The following DMRT2 variants were observed in gnomAD, a reference collection of about 807,000 sequenced individuals.
DMRT2 encodes doublesex and mab-3 related transcription factor 2.
A neutral mutation model predicts 43.5 loss-of-function variants in DMRT2; 33 were observed. The ratio of observed to expected loss-of-function variants is 0.76; its 90% CI spans 0.58 to 1.01. DMRT2 has a LOEUF of 1.01. Among genes scored for constraint, DMRT2 ranks in the 50% least tolerant of loss-of-function variants. DMRT2 has a pLI of 0.00. For synonymous variants in DMRT2, 395 were observed against 309.2 expected (o/e 1.28, Z -2.91); for missense variants, 1,064 against 748.0 (o/e 1.42, Z -4.93).
At chr9:1,052,175 G>T in intron 2 of DMRT2, 37 bp downstream of exon 2, 1 of 1,322,598 alleles carries the variant, frequency 7.6e-7, no homozygotes, top group South Asian at 2.0e-5. Context: ...TCAGGCCACA[G>T]TGGAGGTGGG....
chr9:1,057,288 A>G lies in DMRT2; in HGVS notation c.*15A>G. Reference sequence around the variant, plus strand: ...TCTCTCAGTGAAAGGCTGCTTAAACAGAAAGCTGGATTTTCTGCAGTCTTA... The same window carrying G: ...TCTCTCAGTGAAAGGCTGCTTAAACGGAAAGCTGGATTTTCTGCAGTCTTA... On this transcript the variant is annotated 3_prime_UTR_variant, in exon 4 of 4. Coordinates refer to ENST00000358146, the MANE Select transcript of DMRT2 (RefSeq NM_181872.6). 6.3e-7 allele frequency: 1 copy of G among 1,590,824 alleles called. No homozygotes were observed. Among genetic ancestry groups the G allele is most frequent in the African/African-American group, 1.4e-5 (1 of 73,386 alleles).
At chr9:1,053,153 G>A (rs1425495275) in intron 2 of DMRT2, 4 of 152,414 alleles carry the variant, frequency 2.6e-5, no homozygotes, top group Non-Finnish European at 5.9e-5. Flanking sequence ...CCAGCTGGTG[G>A]GATAGGTGAC....
chr9:1,052,132 C>A lies in DMRT2; in HGVS notation c.519C>A (p.Ala173=). ...AGGTGGCGCTCCGGAGGCAGCAGGC[C>A]ACCGAGGTGCGTACCCGCCCGGCCC... ...AAQVALRRQQ[A]TEDKKGLSGK... Residue 173 remains alanine (A), a synonymous_variant, in exon 2 of 4, where the codon GCC becomes GCA. Coordinates refer to ENST00000358146, the MANE Select transcript of DMRT2 (RefSeq NM_181872.6). 1 of 1,397,860 alleles carries A rather than the reference C, an allele frequency of 7.2e-7. No homozygotes were observed. Among genetic ancestry groups the A allele is most frequent in the Non-Finnish European group, 9.2e-7 (1 of 1,081,814 alleles). 86.6% of individuals were successfully genotyped at this position (1,397,860 alleles called of 1,614,324 possible). A position where few individuals can be genotyped will look rare whatever the true frequency, so the allele number is the denominator to read the frequency against.
Position 1,051,471 on chromosome 9 carries a change from G to GCGGC in DMRT2, c.-44-95_-44-92dup. 7.4e-7 allele frequency: 1 copy of GCGGC among 1,358,310 alleles called. No individual in the cohort carries two copies. The highest frequency in any genetic ancestry group is 1.6e-5 in the South Asian group (1 of 62,324). The allele number at this position is 1,358,310 out of a possible 1,614,324, so 84.1% of individuals were successfully genotyped here. ...ATGTAATGAGAACAGGATGACTCAAGCGGCCGGAGGCGGGCAGACCAGGAG... is the reference window on the plus strand; with the variant it reads ...ATGTAATGAGAACAGGATGACTCAAGCGGCCGGCCGGAGGCGGGCAGACCAGGAG... On this transcript the variant is annotated intron_variant, in intron 1 of 3. Transcript: ENST00000358146. The surrounding 1 kb of genome is among the most constrained non-coding windows in gnomAD (Gnocchi z 5.9).
chr9:1,051,576 G>C lies in DMRT2; in HGVS notation c.-38G>C, dbSNP rs1393045082. On this transcript the variant is annotated 5_prime_UTR_variant, in exon 2 of 4. Coordinates refer to ENST00000358146, the MANE Select transcript of DMRT2 (RefSeq NM_181872.6). The surrounding 1 kb of genome is among the most constrained non-coding windows in gnomAD (Gnocchi z 5.9). The stretch of plus-strand genomic sequence containing the variant: ...TTTCTTTGTGTTTCCCCAGAGTGAG[G>C]GCCGCCAGGCTCAGGCCCCAGCGAA... The C allele has an allele frequency of 1.3e-6, 2 of 1,482,852 alleles. No individual in the cohort carries two copies. Among genetic ancestry groups the C allele is most frequent in the South Asian group, 2.6e-5 (2 of 76,300 alleles). The allele number at this position is 1,482,852 out of a possible 1,614,324, so 91.9% of individuals were successfully genotyped here. A position where few individuals can be genotyped will look rare whatever the true frequency, so the allele number is the denominator to read the frequency against.
In DMRT2 at chr9:1,056,480, A is replaced by T. The variant is rs1302882621; in HGVS notation, c.893A>T (p.Asp298Val). The change falls in exon 4 of 4, where the codon GAC becomes GTC. Residue 298 changes from aspartate to valine, a missense_variant. Coordinates refer to ENST00000358146, the MANE Select transcript of DMRT2 (RefSeq NM_181872.6). ...AGCCCAGTGGAACCACCAAGCAAGG[A>T]CTTCTGTAATTTTTTGCCCACCTGC... Reference protein sequence around the residue: ...SPSPVEPPSKDFCNFLPTCLD... With the variant: ...SPSPVEPPSKVFCNFLPTCLD... The T allele has an allele frequency of 5.6e-6, 9 of 1,614,200 alleles. No individual in the cohort carries two copies. The highest frequency in any genetic ancestry group is 2.2e-5 in the East Asian group (1 of 44,878).
chr9:1,054,051 C>A (rs1044149532), intron 3 of DMRT2, among the ~76,000 whole-genome samples: 1 of 152,156 alleles, frequency 6.6e-6, no homozygotes, highest in South Asian at 2.1e-4. Flanking sequence ...AGGAAGGAAA[C>A]CGCCACCTGG....
chr9:1,056,051 C>A, intron 3 of DMRT2, 165 bp from the exon 4 acceptor site: 1 of 1,433,902 alleles, frequency 7.0e-7, no homozygotes, highest in Non-Finnish European at 9.1e-7. Flanking sequence ...CCAGGAAACT[C>A]TTTCAAACCT....
At chr9:1,055,078 A>G (rs1185786540) in intron 3 of DMRT2, among the ~76,000 whole-genome samples, 1 of 152,224 alleles carries the variant, frequency 6.6e-6, no homozygotes, top group Non-Finnish European at 1.5e-5. Context: ...TAATAGGGCC[A>G]CATTGATAAA....
chr9:1,055,461 T>G (rs1279763116), intron 3 of DMRT2, among the ~76,000 whole-genome samples: 2 of 152,210 alleles, frequency 1.3e-5, no homozygotes, highest in South Asian at 4.1e-4. Context: ...TGATTAGAGC[T>G]TGGGAAGAAT....
rs768680474 is a variant in DMRT2, at chr9:1,051,668, A to G, written c.55A>G (p.Ser19Gly). The G allele has an allele frequency of 1.3e-6, 2 of 1,570,410 alleles. No individual in the cohort carries two copies. The highest frequency in any genetic ancestry group is 1.7e-6 in the Non-Finnish European group (2 of 1,166,562). Residue 19 changes from serine to glycine, a missense_variant, in exon 2 of 4, where the codon AGC (serine) becomes GGC (glycine). By Grantham distance (56) the Ser-to-Gly change is moderately conservative. Transcript: ENST00000358146. This position sits in a 1 kb window ranked among gnomAD's most constrained non-coding sequence, Gnocchi z 5.9. ...CGGGGACTGGGAGATCGATGTCGAG[A>G]GCCTGGAGCTGGAAGAGGACGTCTG... ...AAGDWEIDVESLELEEDVCGA... is the reference protein window; with the variant it reads ...AAGDWEIDVEGLELEEDVCGA...
rs1446547583 is a variant in DMRT2, at chr9:1,056,350, A to G, written c.763A>G (p.Lys255Glu). The G allele has an allele frequency of 6.2e-7, 1 of 1,614,068 alleles. No homozygotes were observed. The highest frequency in any genetic ancestry group is 8.5e-7 in the Non-Finnish European group (1 of 1,180,048). Residue 255 changes from lysine to glutamate, a missense_variant, in exon 4 of 4, where the codon AAA becomes GAA. Transcript: ENST00000358146. Reference sequence around the variant, plus strand: ...GAACATTATGCTGGAGAGAGAATATAAAGAAAGGGAGATGTTGGAAACTTC... The same window carrying G: ...GAACATTATGCTGGAGAGAGAATATGAAGAAAGGGAGATGTTGGAAACTTC... ...LENIMLEREY[K>E]EREMLETSQA... is the part of the protein sequence containing the mutation.
At chr9:1,055,132 G>C (rs535589837) in intron 3 of DMRT2, among the ~76,000 whole-genome samples, 1 of 152,260 alleles carries the variant, frequency 6.6e-6, no homozygotes, top group African/African-American at 2.4e-5. Flanking sequence ...GGACTAAATG[G>C]AATAGTAAAT....
chr9:1,056,934 G>A lies in DMRT2; in HGVS notation c.1347G>A (p.Gly449=), dbSNP rs1233175304. The A allele has an allele frequency of 2.5e-6, 4 of 1,614,028 alleles. No homozygotes were observed. Among genetic ancestry groups the A allele is most frequent in the African/African-American group, 1.3e-5 (1 of 74,914 alleles). The change falls in exon 4 of 4, where the codon GGG becomes GGA. Residue 449 remains glycine, a synonymous_variant. Transcript: ENST00000358146. ...IVDTDSLAAQ[G]HVLTKISKEN... Reference sequence around the variant, plus strand: ...ACACGGACTCCCTGGCAGCTCAAGGGCATGTCTTAACGAAGATCAGCAAAG... The same window carrying A: ...ACACGGACTCCCTGGCAGCTCAAGGACATGTCTTAACGAAGATCAGCAAAG...
chr9:1,054,019 G>A (rs932410153), intron 3 of DMRT2, among the ~76,000 whole-genome samples, 195 bp downstream of exon 3: 7 of 152,156 alleles, frequency 4.6e-5, no homozygotes, highest in African/African-American at 1.2e-4. Flanking sequence ...AGCATGGCCC[G>A]GGAACCAGAA....
rs1044975737 is a variant in DMRT2 at position 1,051,025 on chromosome 9, A to AG, written c.-45+256dup. Among the ~76,000 whole-genome samples, 16 of 151,910 alleles carry AG rather than the reference A, an allele frequency of 1.1e-4. No homozygotes were observed. The highest frequency in any genetic ancestry group is 1.5e-4 in the Non-Finnish European group (10 of 67,970). On this transcript the variant is annotated intron_variant, in intron 1 of 3. Coordinates refer to ENST00000358146, the MANE Select transcript of DMRT2 (RefSeq NM_181872.6). This position sits in a 1 kb window ranked among gnomAD's most constrained non-coding sequence, Gnocchi z 5.9. ...TGGTTTTCAGTTGAGTATTTTGGGGAGGGGGGTGAGAGGACCTCTTCAAGC... is the reference window on the plus strand; with the variant it reads ...TGGTTTTCAGTTGAGTATTTTGGGGAGGGGGGGTGAGAGGACCTCTTCAAGC...
At position 1,051,426 on chromosome 9, in the gene DMRT2, G is replaced by A; in HGVS notation, c.-44-144G>A. On this transcript the variant is annotated intron_variant, in intron 1 of 3. Coordinates refer to ENST00000358146, the MANE Select transcript of DMRT2 (RefSeq NM_181872.6). This position sits in a 1 kb window ranked among gnomAD's most constrained non-coding sequence, Gnocchi z 5.9. ...CCCTGGAGATACAGGAAAGGCACGTGTGGCCTGGAAGTGAGGGACATGTAA... is the reference window on the plus strand; with the variant it reads ...CCCTGGAGATACAGGAAAGGCACGTATGGCCTGGAAGTGAGGGACATGTAA... 4.2e-6 allele frequency: 4 copies of A among 942,806 alleles called. No homozygotes were observed. Among genetic ancestry groups the A allele is most frequent in the Non-Finnish European group, 5.8e-6 (4 of 691,836 alleles). The allele number at this position is 942,806 out of a possible 1,614,324, so 58.4% of individuals were successfully genotyped here. A position where few individuals can be genotyped will look rare whatever the true frequency, so the allele number is the denominator to read the frequency against.
chr9:1,055,939 C>G, intron 3 of DMRT2: 1 of 1,404,884 alleles, frequency 7.1e-7, no homozygotes, highest in Non-Finnish European at 9.2e-7. Flanking sequence ...TAAAGTATGT[C>G]TGTTGAAGCA....
intron 2 of DMRT2, among the ~76,000 whole-genome samples, chr9:1,052,780 T>G (rs933949588): frequency 6.6e-6 from 1 of 152,218 alleles, no homozygotes; most frequent in Non-Finnish European, 1.5e-5. Flanking sequence ...GCCAGGGCTT[T>G]CTTTCCGAGA....
Sources: allele counts gnomAD v4.1 joint callset (sites outside exome capture counted in the v4.1 genomes callset), GRCh38; gene constraint gnomAD v4.1.1; non-coding constraint Gnocchi (gnomAD v3.1); transcripts MANE v1.5; gene names NCBI Gene and HGNC (gene_info 2026-07-23, HGNC 2026-07-21).